The following HDAC9 variants were observed in gnomAD, a reference collection of about 807,000 sequenced individuals.
The protein encoded by HDAC9 is histone deacetylase 9.
In HDAC9, 41 loss-of-function variants were observed where a neutral mutation model predicts 139.4. The ratio of observed to expected loss-of-function variants is 0.29; its 90% CI spans 0.23 to 0.38. The LOEUF is 0.38. HDAC9 is among the 10% of genes least tolerant of loss of function. The probability of loss-of-function intolerance (pLI) is 1.00; values close to 1 mark genes in which losing one functional copy is unlikely to be tolerated. For missense variants in HDAC9, 1,147 were observed against 1,297.0 expected, an observed-to-expected ratio of 0.88 and a Z score of 1.78; for synonymous variants, 517 against 476.2, an observed-to-expected ratio of 1.09 and a Z score of -1.12.
At chr7:18,188,144 G>T (rs1584533779) in intron 2 of HDAC9, among the ~76,000 whole-genome samples, 1 of 152,012 alleles carries the variant, frequency 6.6e-6, no homozygotes, top group South Asian at 2.1e-4. Flanking sequence ...CTGGTACCAA[G>T]ACAGACATAT....
intron 1 of HDAC9, among the ~76,000 whole-genome samples, chr7:18,116,247 A>G (rs1401633578): frequency 2.0e-5 from 3 of 152,212 alleles, no homozygotes; most frequent in Admixed American, 2.0e-4. Flanking sequence ...AAATAAATTT[A>G]TATTAGAAAA....
intron 23 of HDAC9, among the ~76,000 whole-genome samples, chr7:18,948,642 C>T (rs1172212728): frequency 3.3e-5 from 5 of 152,146 alleles, no homozygotes; most frequent in East Asian, 3.9e-4. Context: ...CCCACCATTT[C>T]CGTGTCTGAC....
chr7:18,424,398 A>G (rs553716210), intron 1 of HDAC9, among the ~76,000 whole-genome samples: 20 of 152,212 alleles, frequency 1.3e-4, no homozygotes, highest in African/African-American at 4.6e-4. Flanking sequence ...TCAGGATGCT[A>G]TGAAGATGAA....
intron 1 of HDAC9, among the ~76,000 whole-genome samples, chr7:18,121,993 T>A (rs990447921): frequency 6.6e-6 from 1 of 151,960 alleles, no homozygotes. Context: ...CAACCTTTTA[T>A]GAAATGAAGG....
intron 1 of HDAC9, among the ~76,000 whole-genome samples, chr7:18,442,422 G>GACTC (rs2128094010): frequency 6.6e-6 from 1 of 152,240 alleles, no homozygotes; most frequent in South Asian, 2.1e-4. Context: ...CCAGTTGCCG[G>GACTC]ACTCACATTC....
intron 2 of HDAC9, among the ~76,000 whole-genome samples, chr7:18,538,843 T>C (rs1811758066): frequency 6.6e-6 from 1 of 152,160 alleles, no homozygotes; most frequent in Non-Finnish European, 1.5e-5. Flanking sequence ...CTGTGTAATT[T>C]ATAGAAAAAA....
chr7:18,160,459 A>T (rs181450001), intron 1 of HDAC9, among the ~76,000 whole-genome samples: 1 of 152,212 alleles, frequency 6.6e-6, no homozygotes, highest in Admixed American at 6.5e-5. Flanking sequence ...TATGAAGCAG[A>T]TAGCATCTCA....
intron 2 of HDAC9, among the ~76,000 whole-genome samples, chr7:18,580,404 A>G (rs535846510): frequency 1.3e-5 from 2 of 152,300 alleles, no homozygotes; most frequent in Admixed American, 1.3e-4. Flanking sequence ...AGACTAGTTA[A>G]TATTTATGTG....
chr7:18,284,932 G>T (rs557608003), intron 2 of HDAC9, among the ~76,000 whole-genome samples: 1 of 152,192 alleles, frequency 6.6e-6, no homozygotes, highest in South Asian at 2.1e-4. Flanking sequence ...CTAAAATAAG[G>T]ACCCAATGAC....
chr7:18,415,733 T>G (rs1233249576), intron 1 of HDAC9, among the ~76,000 whole-genome samples: 2 of 152,228 alleles, frequency 1.3e-5, no homozygotes, highest in East Asian at 3.9e-4. Flanking sequence ...ACTTAAAATT[T>G]TGCAAGTGTA....
At chr7:18,445,698 G>T (rs1042469164) in intron 1 of HDAC9, among the ~76,000 whole-genome samples, 3 of 152,176 alleles carry the variant, frequency 2.0e-5, no homozygotes, top group Admixed American at 6.5e-5. Flanking sequence ...AGGCAGAGCT[G>T]TTTATAGATA....
At chr7:18,915,141 G>C (rs1036107878) in intron 22 of HDAC9, among the ~76,000 whole-genome samples, 1 of 152,012 alleles carries the variant, frequency 6.6e-6, no homozygotes, top group Non-Finnish European at 1.5e-5. Flanking sequence ...TTCAAATGTG[G>C]CATCTGTCAG....
At chr7:18,552,068 A>G (rs930705806) in intron 2 of HDAC9, among the ~76,000 whole-genome samples, 4 of 152,208 alleles carry the variant, frequency 2.6e-5, no homozygotes, top group African/African-American at 9.6e-5. Flanking sequence ...GGAATTATCA[A>G]GTAATCCTGT....
At chr7:18,473,398 A>T (rs925938304) in intron 1 of HDAC9, among the ~76,000 whole-genome samples, 1 of 152,216 alleles carries the variant, frequency 6.6e-6, no homozygotes, top group Non-Finnish European at 1.5e-5. Context: ...ATTTTCTGCT[A>T]AATCAACAGT....
chr7:18,145,797 G>A (rs1786272855), intron 1 of HDAC9, among the ~76,000 whole-genome samples: 1 of 152,178 alleles, frequency 6.6e-6, no homozygotes, highest in Non-Finnish European at 1.5e-5. Flanking sequence ...TCAGAGGTGA[G>A]TGAGGAAGTT....
chr7:18,198,015 A>C (rs150752913), intron 2 of HDAC9, among the ~76,000 whole-genome samples: 1 of 152,304 alleles, frequency 6.6e-6, no homozygotes, highest in East Asian at 1.9e-4. Context: ...ATGGAGAAAA[A>C]TATCTATAGG....
At chr7:18,951,186 A>G (rs1782767548) in intron 23 of HDAC9, among the ~76,000 whole-genome samples, 1 of 152,046 alleles carries the variant, frequency 6.6e-6, no homozygotes, top group African/African-American at 2.4e-5. Flanking sequence ...AATTACTTAT[A>G]AGATGATAAT....
intron 6 of HDAC9, among the ~76,000 whole-genome samples, chr7:18,611,108 C>G (rs1719517157): frequency 6.6e-6 from 1 of 152,004 alleles, no homozygotes; most frequent in Non-Finnish European, 1.5e-5. Flanking sequence ...TGCATTGAGA[C>G]CTTTGTAATA....
At chr7:18,860,502 T>A (rs945701314) in intron 21 of HDAC9, among the ~76,000 whole-genome samples, 1 of 152,196 alleles carries the variant, frequency 6.6e-6, no homozygotes, top group Admixed American at 6.6e-5. Context: ...ATGTTATTCT[T>A]TAAATATACT....
Sources: gnomAD v4.1 joint callset for allele counts (sites outside exome capture counted in the v4.1 genomes callset) on GRCh38, gnomAD v4.1.1 for gene constraint, MANE v1.5 for transcripts, NCBI Gene and HGNC (gene_info 2026-07-23, HGNC 2026-07-21) for gene names.